GPATCH2: variants seen among roughly 807,000 people sequenced by gnomAD.
GPATCH2 encodes the protein G patch domain-containing protein 2.
GPATCH2 carries 51 observed loss-of-function variants against 58.0 expected under a neutral mutation model. The ratio of observed to expected loss-of-function variants is 0.88; its 90% CI spans 0.70 to 1.11. The LOEUF is 1.11. Among genes scored for constraint, GPATCH2 ranks in the 50% most tolerant of loss-of-function variants. The pLI is 0.00. For missense variants in GPATCH2, 625 were observed against 652.2 expected (o/e 0.96, Z 0.45); for synonymous variants, 222 against 218.5 (o/e 1.02, Z -0.14).
At chr1:217,584,853 A>T (rs566671040) in intron 5 of GPATCH2, among the ~76,000 whole-genome samples, 5 of 152,322 alleles carry the variant, frequency 3.3e-5, no homozygotes, top group Non-Finnish European at 2.9e-5. Context: ...AGCATTAGTT[A>T]TATGGTAGAC....
chr1:217,467,044 G>A (rs1323878309), intron 8 of GPATCH2, among the ~76,000 whole-genome samples: 3 of 152,104 alleles, frequency 2.0e-5, no homozygotes, highest in Non-Finnish European at 2.9e-5. Context: ...GTGGTGGCAC[G>A]TGCCTGTGGT....
In GPATCH2 at chr1:217,631,063, A is replaced by G. The variant is rs530332935; in HGVS notation, c.-92T>C. The G allele has an allele frequency of 5.9e-4, 734 of 1,243,274 alleles. No individual in the cohort carries two copies. The highest frequency in any genetic ancestry group is 7.1e-4 in the Non-Finnish European group (631 of 891,740). 77.0% of individuals were successfully genotyped at this position (1,243,274 alleles called of 1,614,324 possible). On this transcript the variant is annotated 5_prime_UTR_variant, in exon 1 of 10. It removes an upstream start codon present in the reference 5' UTR. Coordinates refer to ENST00000366935, the MANE Select transcript of GPATCH2 (RefSeq NM_018040.5). Reference sequence around the variant, plus strand: ...GGCGACTTCCAAAGAGCAGTTCAGCATTTTGAGATGAGCTTCCGGAAGCCG... The same window carrying G: ...GGCGACTTCCAAAGAGCAGTTCAGCGTTTTGAGATGAGCTTCCGGAAGCCG...
At chr1:217,511,451 A>G (rs1662846363) in intron 6 of GPATCH2, among the ~76,000 whole-genome samples, 1 of 152,204 alleles carries the variant, frequency 6.6e-6, no homozygotes, top group Non-Finnish European at 1.5e-5. Flanking sequence ...GCTAGAAATT[A>G]TTTGTATATC....
At chr1:217,468,866 A>G (rs971438344) in intron 8 of GPATCH2, among the ~76,000 whole-genome samples, 6 of 152,042 alleles carry the variant, frequency 3.9e-5, no homozygotes, top group Non-Finnish European at 5.9e-5. Flanking sequence ...AATAGACACA[A>G]TGAGTTTATA....
intron 5 of GPATCH2, chr1:217,608,305 T>G (rs1668457526): frequency 1.0e-6 from 1 of 982,364 alleles, no homozygotes; most frequent in Admixed American, 6.2e-5. Flanking sequence ...TTGTCTTCAG[T>G]AAAGTTTTAA....
At chr1:217,630,891 C>T (rs1478542699) in intron 1 of GPATCH2, 25 bp downstream of exon 1, 3 of 1,567,562 alleles carry the variant, frequency 1.9e-6, no homozygotes, top group East Asian at 2.3e-5. Context: ...CCTGACCTCC[C>T]CCTCCCCAGG....
intron 5 of GPATCH2, among the ~76,000 whole-genome samples, chr1:217,570,467 C>G (rs1478517481): frequency 6.6e-6 from 1 of 152,150 alleles, no homozygotes; most frequent in Non-Finnish European, 1.5e-5. Context: ...TCTTTCCCAA[C>G]TCAAATGCTG....
chr1:217,510,228 C>A (rs182484867), intron 6 of GPATCH2, among the ~76,000 whole-genome samples: 179 of 152,022 alleles, frequency 1.2e-3, no homozygotes, highest in African/African-American at 4.0e-3. Context: ...TAAACATTTG[C>A]AAGGATTTAA....
chr1:217,429,838 A>C lies in GPATCH2; in HGVS notation c.*1307T>G, dbSNP rs1658454175. 1 of 147,764 alleles carries C rather than the reference A, an allele frequency of 6.8e-6. No individual in the cohort carries two copies. The highest frequency in any genetic ancestry group is 6.7e-5 in the Admixed American group (1 of 14,912). The allele number at this position is 147,764 out of a possible 1,614,324, so 9.2% of individuals were successfully genotyped here. ...GGCAGACTCTGTCAAAAAAAAAAAA[A>C]AAAAAAAAGAAACAAAAAAACTCTT... On this transcript the variant is annotated 3_prime_UTR_variant, in exon 10 of 10. Transcript: ENST00000366935.
At chr1:217,461,291 C>T (rs945871624) in intron 8 of GPATCH2, among the ~76,000 whole-genome samples, 6 of 152,112 alleles carry the variant, frequency 3.9e-5, no homozygotes, top group Non-Finnish European at 7.4e-5. Context: ...CAATTGGAAA[C>T]CTATGACACA....
chr1:217,568,277 C>T (rs138393241), intron 5 of GPATCH2, among the ~76,000 whole-genome samples: 46 of 152,010 alleles, frequency 3.0e-4, no homozygotes, highest in Non-Finnish European at 5.7e-4. Context: ...TAAGTTAAAA[C>T]GCAGGATTAA....
intron 5 of GPATCH2, among the ~76,000 whole-genome samples, chr1:217,522,523 TTGCAA>T (rs1016366536): frequency 3.3e-4 from 50 of 152,306 alleles, no homozygotes; most frequent in African/African-American, 1.0e-3. Context: ...TTTATGAACC[TTGCAA>T]TATTATGAGC....
chr1:217,488,887 G>A (rs906473061), intron 8 of GPATCH2, among the ~76,000 whole-genome samples: 12 of 151,022 alleles, frequency 7.9e-5, no homozygotes, highest in Non-Finnish European at 1.0e-4. Flanking sequence ...TAGAGACAGA[G>A]TCTTGCATGT....
chr1:217,476,235 A>AGTGTGTGTGTGTGTGTGTGTGTGT (rs60995546), intron 8 of GPATCH2, among the ~76,000 whole-genome samples: 2 of 146,392 alleles, frequency 1.4e-5, no homozygotes, highest in East Asian at 4.0e-4. Context: ...TCCAGATATG[A>AGTGTGTGTGTGTGTGTGTGTGTGT]GTGTGTGTGT....
At chr1:217,547,676 T>C (rs1028815741) in intron 5 of GPATCH2, among the ~76,000 whole-genome samples, 3 of 152,162 alleles carry the variant, frequency 2.0e-5, no homozygotes, top group African/African-American at 7.2e-5. Flanking sequence ...CACCATGGAA[T>C]ACTATGCACC....
At chr1:217,503,914 A>G (rs12041730) in intron 6 of GPATCH2, among the ~76,000 whole-genome samples, 95,745 of 151,954 alleles carry the variant, frequency 0.63, 31,428 homozygotes, top group East Asian at 0.92. Context: ...TACTCTAGGG[A>G]CAGTTATTAT....
At chr1:217,473,666 C>T (rs1356210604) in intron 8 of GPATCH2, among the ~76,000 whole-genome samples, 1 of 151,476 alleles carries the variant, frequency 6.6e-6, no homozygotes, top group African/African-American at 2.4e-5. Flanking sequence ...AAAAAAAACC[C>T]ATAGACTTAT....
intron 6 of GPATCH2, 200 bp from the exon 7 acceptor site, chr1:217,498,595 T>G (rs1662127434): frequency 1.7e-6 from 1 of 595,962 alleles, no homozygotes; most frequent in East Asian, 2.8e-5. Context: ...CCTGGTAATT[T>G]TCAATTTAAT....
intron 5 of GPATCH2, among the ~76,000 whole-genome samples, chr1:217,589,577 A>T (rs12563544): frequency 0.27 from 40,823 of 152,060 alleles, 5,834 homozygotes; most frequent in East Asian, 0.52. Context: ...TACATTCTTT[A>T]AAAGATCCAA....
Sources: allele counts gnomAD v4.1 joint callset (sites outside exome capture counted in the v4.1 genomes callset), GRCh38; gene constraint gnomAD v4.1.1; transcripts MANE v1.5; gene names NCBI Gene and HGNC (gene_info 2026-07-23, HGNC 2026-07-21).